Variants in KRT80 observed in about 807,000 individuals in gnomAD.
KRT80 encodes the protein keratin 80.
KRT80 carries 36 observed loss-of-function variants against 51.5 expected under a neutral mutation model. The observed-to-expected ratio is 0.70, with a 90% confidence interval of 0.54 to 0.92. KRT80 has a LOEUF of 0.92. KRT80 is among the 40% of genes least tolerant of loss of function. KRT80 has a pLI of 0.00. For synonymous variants in KRT80, 235 were observed against 248.3 expected, an observed-to-expected ratio of 0.95 and a Z score of 0.50; for missense variants, 566 against 591.7, an observed-to-expected ratio of 0.96 and a Z score of 0.45.
chr12:52,191,288 C>T (rs1406056728), intron 1 of KRT80, among the ~76,000 whole-genome samples: 1 of 152,188 alleles, frequency 6.6e-6, no homozygotes, highest in Non-Finnish European at 1.5e-5. Context: ...CGAGAGGGCA[C>T]CCCTGGCCAC....
At chr12:52,185,280 A>AC (rs1258731857) in intron 2 of KRT80, 99 bp downstream of exon 2, 6 of 1,174,494 alleles carry the variant, frequency 5.1e-6, no homozygotes. Context: ...ATGTTGCAGA[A>AC]CATCTTTCCT....
intron 5 of KRT80, 73 bp downstream of exon 5, chr12:52,173,527 C>A (rs1941157706): frequency 7.1e-7 from 1 of 1,404,210 alleles, no homozygotes; most frequent in Non-Finnish European, 9.6e-7. Flanking sequence ...CCTCAGCCAT[C>A]ACCAGTCCAG....
At chr12:52,177,970 G>A (rs1419986109) in intron 4 of KRT80, among the ~76,000 whole-genome samples, 1 of 152,024 alleles carries the variant, frequency 6.6e-6, no homozygotes, top group African/African-American at 2.4e-5. Flanking sequence ...TTTAAAATGT[G>A]GTGACTAGAA....
At chr12:52,182,953 G>A (rs10783495) in intron 2 of KRT80, among the ~76,000 whole-genome samples, 112,011 of 152,152 alleles carry the variant, frequency 0.74, 41,607 homozygotes, top group African/African-American at 0.8. Flanking sequence ...CTTTGTGCCA[G>A]TTAGAAAAAA....
chr12:52,180,173 C>T (rs1335796076), intron 4 of KRT80, among the ~76,000 whole-genome samples: 1 of 152,234 alleles, frequency 6.6e-6, no homozygotes, highest in African/African-American at 2.4e-5. Context: ...GTTCCAGACC[C>T]CTGGGTTCCA....
Position 52,185,620 on chromosome 12 carries a change from G to A in KRT80, c.301-33C>T, listed in dbSNP as rs762345932. 5 of 1,593,810 alleles carry A rather than the reference G, an allele frequency of 3.1e-6. No individual in the cohort carries two copies. The Admixed American group carries it at 5.1e-5, about 16-fold the overall frequency. Reference sequence around the variant, plus strand: ...AGCAGGAAGGCGGCGAATGGGTCAGGTGTGGACCAGTCGGGGGCTGAGGCC... The same window carrying A: ...AGCAGGAAGGCGGCGAATGGGTCAGATGTGGACCAGTCGGGGGCTGAGGCC... On this transcript the variant is annotated intron_variant, in intron 1 of 8. Coordinates refer to ENST00000394815, the MANE Select transcript of KRT80 (RefSeq NM_182507.3).
At position 52,172,428 on chromosome 12, in the gene KRT80, G is replaced by A. The variant is rs749885623; in HGVS notation, c.958-10C>T. ...CCTCCAGTTTCAGGCACTGCAGCCA[G>A]GAGGACAGAGTGAAAGGGCCTGTGA... On this transcript the variant is annotated splice_polypyrimidine_tract_variant and intron_variant, in intron 6 of 8. Transcript: ENST00000394815. 7.0e-5 allele frequency: 113 copies of A among 1,606,902 alleles called. No homozygotes were observed. The highest frequency in any genetic ancestry group is 3.3e-4 in the Middle Eastern group (2 of 6,048).
At position 52,185,605 on chromosome 12, in the gene KRT80, C is replaced by A. The variant is rs202070904; in HGVS notation, c.301-18G>T. 24 of 1,601,174 alleles carry A rather than the reference C, an allele frequency of 1.5e-5. No homozygotes were observed. The South Asian group carries it at 2.6e-4, about 18-fold the overall frequency. On this transcript the variant is annotated intron_variant, in intron 1 of 8. Transcript: ENST00000394815. Reference sequence around the variant, plus strand: ...GCTTGCACCTGGGAGAGCAGGAAGGCGGCGAATGGGTCAGGTGTGGACCAG... The same window carrying A: ...GCTTGCACCTGGGAGAGCAGGAAGGAGGCGAATGGGTCAGGTGTGGACCAG...
chr12:52,176,788 T>C (rs1469522088), intron 4 of KRT80, among the ~76,000 whole-genome samples: 2 of 152,220 alleles, frequency 1.3e-5, no homozygotes, highest in African/African-American at 2.4e-5. Flanking sequence ...GCCAATCACT[T>C]CTTATTAGTT....
At chr12:52,179,569 A>G (rs985925475) in intron 4 of KRT80, among the ~76,000 whole-genome samples, 2 of 152,328 alleles carry the variant, frequency 1.3e-5, no homozygotes, top group African/African-American at 4.8e-5. Flanking sequence ...ACTGTGACCC[A>G]TGACAGGGCC....
chr12:52,175,973 G>A (rs376657249), intron 4 of KRT80, among the ~76,000 whole-genome samples: 7 of 152,070 alleles, frequency 4.6e-5, no homozygotes, highest in East Asian at 3.9e-4. Context: ...GGGTGTGGGG[G>A]GCCTCAGAGC....
At chr12:52,176,774 C>T (rs933363980) in intron 4 of KRT80, among the ~76,000 whole-genome samples, 2 of 152,258 alleles carry the variant, frequency 1.3e-5, no homozygotes, top group Non-Finnish European at 2.9e-5. Flanking sequence ...AGCCACTGTG[C>T]CCGGCCAATC....
chr12:52,189,675 T>G (rs939841284), intron 1 of KRT80, among the ~76,000 whole-genome samples: 8 of 152,180 alleles, frequency 5.3e-5, no homozygotes, highest in African/African-American at 1.7e-4. Flanking sequence ...AAGGGTCAGC[T>G]GGGGCCCCTT....
rs548356839 is a variant in KRT80, at chr12:52,171,197, G to A, written c.*201C>T. ...GGACTGTGAGATACTGATATGGAGC[G>A]GAGTGGCTCTGAGGAGCTGGTGATG... On this transcript the variant is annotated 3_prime_UTR_variant, in exon 9 of 9. Coordinates refer to ENST00000394815, the MANE Select transcript of KRT80 (RefSeq NM_182507.3). The A allele has an allele frequency of 2.1e-5, 12 of 558,558 alleles. No homozygotes were observed. The South Asian group carries it at 2.7e-4, about 12-fold the overall frequency. The allele number at this position is 558,558 out of a possible 1,614,324, so 34.6% of individuals were successfully genotyped here.
intron 1 of KRT80, among the ~76,000 whole-genome samples, chr12:52,191,146 G>T (rs1941474429): frequency 6.6e-6 from 1 of 152,262 alleles, no homozygotes; most frequent in Admixed American, 6.5e-5. Context: ...TTTCTGACTG[G>T]GGCAGCTGAG....
chr12:52,171,213 G>T lies in KRT80; in HGVS notation c.*185C>A. ...ATATGGAGCGGAGTGGCTCTGAGGA[G>T]CTGGTGATGCTCCTCTCCCACCCTG... On this transcript the variant is annotated 3_prime_UTR_variant, in exon 9 of 9. Coordinates refer to ENST00000394815, the MANE Select transcript of KRT80 (RefSeq NM_182507.3). 1 of 615,918 alleles carries T rather than the reference G, an allele frequency of 1.6e-6. No homozygotes were observed. Among genetic ancestry groups the T allele is most frequent in the Non-Finnish European group, 2.8e-6 (1 of 353,022 alleles). The allele number at this position is 615,918 out of a possible 1,614,324, so 38.2% of individuals were successfully genotyped here. A position where few individuals can be genotyped will look rare whatever the true frequency, so the allele number is the denominator to read the frequency against.
At chr12:52,174,732 T>A (rs1272357388) in intron 4 of KRT80, among the ~76,000 whole-genome samples, 7 of 152,230 alleles carry the variant, frequency 4.6e-5, no homozygotes. Flanking sequence ...CCTTAGCGGA[T>A]GGAGACAAGG....
At chr12:52,173,498 G>T in intron 5 of KRT80, 102 bp downstream of exon 5, 9 of 1,216,828 alleles carry the variant, frequency 7.4e-6, no homozygotes, top group African/African-American at 1.5e-5. Flanking sequence ...AGACTTTCAG[G>T]ACAGAGAGCT....
At chr12:52,191,467 G>A (rs1167342513) in intron 1 of KRT80, 136 bp downstream of exon 1, 19 of 845,016 alleles carry the variant, frequency 2.2e-5, no homozygotes, top group East Asian at 1.3e-4. Context: ...CTAGCCTGTC[G>A]GGTTAGCAGT....
Sources: gnomAD v4.1 joint callset for allele counts (sites outside exome capture counted in the v4.1 genomes callset) on GRCh38, gnomAD v4.1.1 for gene constraint, MANE v1.5 for transcripts, NCBI Gene and HGNC (gene_info 2026-07-23, HGNC 2026-07-21) for gene names.